Variants in PTPRD observed in about 807,000 individuals in gnomAD.
PTPRD encodes the protein receptor-type tyrosine-protein phosphatase delta.
A neutral mutation model predicts 214.5 loss-of-function variants in PTPRD; 34 were observed. That is an observed-to-expected ratio of 0.16 (90% confidence interval 0.12 to 0.21). The LOEUF (loss-of-function observed/expected upper bound fraction) is 0.21. PTPRD is among the 10% of genes least tolerant of loss of function. PTPRD has a pLI of 1.00. For missense variants in PTPRD, 2,545 were observed against 2,398.7 expected (o/e 1.06, Z -1.27); for synonymous variants, 1,128 against 845.7 (o/e 1.33, Z -5.79).
At chr9:8,799,788 C>G (rs758089746) in intron 11 of PTPRD, among the ~76,000 whole-genome samples, 1 of 152,068 alleles carries the variant, frequency 6.6e-6, no homozygotes, top group African/African-American at 2.4e-5. Flanking sequence ...TACCAATGCT[C>G]CAGAGAAATC....
At chr9:10,457,972 A>C (rs1227281219) in intron 2 of PTPRD, among the ~76,000 whole-genome samples, 1 of 152,026 alleles carries the variant, frequency 6.6e-6, no homozygotes, top group Non-Finnish European at 1.5e-5. Flanking sequence ...TTGATACATT[A>C]CTCAAAAATA....
intron 2 of PTPRD, among the ~76,000 whole-genome samples, chr9:10,429,166 C>G (rs1023483392): frequency 1.3e-4 from 20 of 151,776 alleles, no homozygotes; most frequent in African/African-American, 4.8e-4. Context: ...TAATGCCAAA[C>G]TTAACACAGA....
chr9:9,896,991 C>T (rs1187062065), intron 5 of PTPRD, among the ~76,000 whole-genome samples: 1 of 152,012 alleles, frequency 6.6e-6, no homozygotes, highest in Non-Finnish European at 1.5e-5. Context: ...TGCAGAGTTC[C>T]TCAATGGAGG....
At chr9:10,366,797 C>G (rs928417733) in intron 2 of PTPRD, among the ~76,000 whole-genome samples, 1 of 151,990 alleles carries the variant, frequency 6.6e-6, no homozygotes, top group Non-Finnish European at 1.5e-5. Flanking sequence ...TACATACGTG[C>G]ACTAAAAAAA....
intron 2 of PTPRD, among the ~76,000 whole-genome samples, chr9:10,468,832 T>A (rs1283321789): frequency 6.6e-6 from 1 of 152,054 alleles, no homozygotes; most frequent in Non-Finnish European, 1.5e-5. Context: ...TGGTGGAATA[T>A]TATCCAATGA....
chr9:9,935,324 C>T (rs955518504), intron 5 of PTPRD, among the ~76,000 whole-genome samples: 1 of 152,114 alleles, frequency 6.6e-6, no homozygotes, highest in South Asian at 2.1e-4. Flanking sequence ...ATCTAGAAAA[C>T]CCCATCATCG....
chr9:9,456,143 T>C (rs1373584999), intron 8 of PTPRD, among the ~76,000 whole-genome samples: 2 of 151,822 alleles, frequency 1.3e-5, no homozygotes, highest in Non-Finnish European at 2.9e-5. Context: ...ACATAGAATA[T>C]AATGGAAATT....
At chr9:9,340,490 A>T (rs190264804) in intron 9 of PTPRD, among the ~76,000 whole-genome samples, 123 of 152,340 alleles carry the variant, frequency 8.1e-4, no homozygotes, top group African/African-American at 2.8e-3. Flanking sequence ...GAATGCTACA[A>T]GTAGTAGTTA....
chr9:8,419,587 C>A (rs147497599), intron 35 of PTPRD, among the ~76,000 whole-genome samples: 76 of 151,474 alleles, frequency 5.0e-4, no homozygotes, highest in Admixed American at 1.8e-3. Flanking sequence ...TCATCTTAAC[C>A]AATGATTTAC....
chr9:10,400,131 C>T (rs749132780), intron 2 of PTPRD, among the ~76,000 whole-genome samples: 1 of 151,782 alleles, frequency 6.6e-6, no homozygotes, highest in Non-Finnish European at 1.5e-5. Flanking sequence ...ACATTCAATT[C>T]TCGTCTCCTT....
At chr9:9,210,066 C>T (rs767937950) in intron 9 of PTPRD, among the ~76,000 whole-genome samples, 10 of 152,134 alleles carry the variant, frequency 6.6e-5, no homozygotes, top group South Asian at 4.2e-4. Context: ...TTTGCCCCAG[C>T]GGAAAATGTT....
intron 3 of PTPRD, among the ~76,000 whole-genome samples, chr9:10,319,068 C>T (rs2096500375): frequency 6.6e-6 from 1 of 152,058 alleles, no homozygotes; most frequent in African/African-American, 2.4e-5. Context: ...CTTAAGAAAT[C>T]ATTCATTATA....
chr9:10,205,968 A>G (rs1307600481), intron 3 of PTPRD, among the ~76,000 whole-genome samples: 1 of 151,912 alleles, frequency 6.6e-6, no homozygotes, highest in African/African-American at 2.4e-5. Context: ...CCTGCTCACA[A>G]TGAGCTTTTA....
At chr9:10,030,882 G>A (rs2097052276) in intron 4 of PTPRD, among the ~76,000 whole-genome samples, 1 of 152,196 alleles carries the variant, frequency 6.6e-6, no homozygotes, top group African/African-American at 2.4e-5. Context: ...TGAGTACAAA[G>A]CTGCTTAAAT....
At chr9:10,119,679 T>C (rs967803257) in intron 3 of PTPRD, among the ~76,000 whole-genome samples, 1 of 151,864 alleles carries the variant, frequency 6.6e-6, no homozygotes, top group African/African-American at 2.4e-5. Context: ...AATAATAAAA[T>C]AATTTAAAAG....
Position 9,656,930 on chromosome 9 carries a change from A to C in PTPRD, c.-287+77603T>G, listed in dbSNP as rs535941548. On this transcript the variant is annotated intron_variant, in intron 7 of 45. Coordinates refer to ENST00000381196, the MANE Select transcript of PTPRD (RefSeq NM_002839.4). ...CCTCTTGATTTCTCTGTGAACCTAC[A>C]ACTGCTCTAAAAATGTAAAGTCTAC... Among the ~76,000 whole-genome samples, 18 of 152,270 alleles carry C rather than the reference A, an allele frequency of 1.2e-4. No individual in the cohort carries two copies. In the East Asian group the frequency reaches 3.1e-3, roughly 26 times the overall value.
rs78694747 is a variant in PTPRD, at chr9:9,915,105, C to A, written c.-368+23402G>T. ...TCTCTTAGCATAGGCTACTGAGCAA[C>A]TTGCAAATGCCTTTAGCATGGGTTA... On this transcript the variant is annotated intron_variant, in intron 5 of 45. Transcript: ENST00000381196. 0.022 allele frequency among the ~76,000 whole-genome samples: 3,362 copies of A among 152,232 alleles called. 219 individuals are homozygous for A. The East Asian group carries it at 0.26, about 12-fold the overall frequency.
At chr9:9,961,130 T>C (rs2094335239) in intron 4 of PTPRD, among the ~76,000 whole-genome samples, 1 of 152,154 alleles carries the variant, frequency 6.6e-6, no homozygotes, top group Non-Finnish European at 1.5e-5. Flanking sequence ...GAATTACTGA[T>C]ATCACTTGTA....
chr9:10,471,563 C>T (rs545504603), intron 2 of PTPRD, among the ~76,000 whole-genome samples: 1 of 152,024 alleles, frequency 6.6e-6, no homozygotes, highest in East Asian at 1.9e-4. Flanking sequence ...TCTCAGTTTC[C>T]AAATCTGGTA....
Sources: allele counts gnomAD v4.1 joint callset (sites outside exome capture counted in the v4.1 genomes callset), GRCh38; gene constraint gnomAD v4.1.1; transcripts MANE v1.5; gene names NCBI Gene and HGNC (gene_info 2026-07-23, HGNC 2026-07-21).